Variants in ST14 observed in about 807,000 individuals in gnomAD.
ST14 encodes suppressor of tumorigenicity 14 protein.
A neutral mutation model predicts 96.5 loss-of-function variants in ST14; 40 were observed. That is an observed-to-expected ratio of 0.41 (90% CI 0.32 to 0.54). The LOEUF (loss-of-function observed/expected upper bound fraction) is 0.54. Ranked by LOEUF, ST14 falls within the 20% of genes least tolerant of loss-of-function variation. The pLI is 0.17. For synonymous variants in ST14, 506 were observed against 492.1 expected (o/e 1.03, Z -0.37); for missense variants, 1,066 against 1,188.9 (o/e 0.90, Z 1.52).
chr11:130,207,310 G>A (rs1953499135), intron 16 of ST14, among the ~76,000 whole-genome samples: 1 of 152,218 alleles, frequency 6.6e-6, no homozygotes, highest in African/African-American at 2.4e-5. Flanking sequence ...CAGCACTTTG[G>A]GAGGCCAAGG....
chr11:130,192,349 A>G (rs1317864890), intron 7 of ST14, among the ~76,000 whole-genome samples: 1 of 152,234 alleles, frequency 6.6e-6, no homozygotes, highest in Non-Finnish European at 1.5e-5. Flanking sequence ...CAAAAGGAAG[A>G]CTAAAGTCAC....
rs757662442 is a variant in ST14 at position 130,188,193 on chromosome 11, G to A, written c.161G>A (p.Arg54His). The change falls in exon 2 of 19, where the codon CGC becomes CAC. Residue 54 changes from arginine to histidine, a missense_variant. By Grantham distance (29) the Arg-to-His change is conservative. Transcript: ENST00000278742. This position sits in a 1 kb window ranked among gnomAD's most constrained non-coding sequence, Gnocchi z 5.4. ...AAGGTGGAAAAGCATGGCCCGGGGC[G>A]CTGGGTGGTGCTGGCAGCCGTGCTG... ...VKKVEKHGPG[R>H]WVVLAAVLIG... 16 of 1,614,074 alleles carry A rather than the reference G, an allele frequency of 9.9e-6. No homozygotes were observed. Among genetic ancestry groups the A allele is most frequent in the South Asian group, 9.9e-5 (9 of 91,082 alleles).
At chr11:130,162,999 G>T (rs773679044) in intron 1 of ST14, among the ~76,000 whole-genome samples, 3 of 152,190 alleles carry the variant, frequency 2.0e-5, no homozygotes, top group Non-Finnish European at 4.4e-5. Context: ...ATATGTTCCA[G>T]GTTTGTTGAA....
At chr11:130,160,252 C>T (rs1413974557) in intron 1 of ST14, among the ~76,000 whole-genome samples, 192 bp downstream of exon 1, 2 of 151,926 alleles carry the variant, frequency 1.3e-5, no homozygotes, top group Non-Finnish European at 2.9e-5. Context: ...GGTACCGGAC[C>T]GGCTGCGCCC....
In ST14 at chr11:130,188,276, G is replaced by T; in HGVS notation, c.241+3G>T. On this transcript the variant is annotated splice_donor_region_variant and intron_variant, in intron 2 of 18. Transcript: ENST00000278742. This position sits in a 1 kb window ranked among gnomAD's most constrained non-coding sequence, Gnocchi z 5.4. ...CTTCCTGGTGTGGCATTTGCAGTGT[G>T]AGTAAAGCTGGGGCTGGCTCCGGGG... 1.2e-6 allele frequency: 2 copies of T among 1,612,134 alleles called. No homozygotes were observed. Among genetic ancestry groups the T allele is most frequent in the Non-Finnish European group, 1.7e-6 (2 of 1,178,574 alleles).
At chr11:130,190,266 T>A (rs1565623974) in intron 6 of ST14, 118 bp downstream of exon 6, 1 of 1,502,712 alleles carries the variant, frequency 6.7e-7, no homozygotes, top group African/African-American at 1.4e-5. Flanking sequence ...ATTATGACGA[T>A]CTTTCCAGGC....
At chr11:130,162,759 G>T (rs1813321117) in intron 1 of ST14, among the ~76,000 whole-genome samples, 1 of 152,188 alleles carries the variant, frequency 6.6e-6, no homozygotes, top group Non-Finnish European at 1.5e-5. Flanking sequence ...ACTGAATTCT[G>T]ACTCATGAGT....
rs759157040 is a variant in ST14, at chr11:130,208,473, C to T, written c.2058C>T (p.Ala686=). The T allele has an allele frequency of 4.3e-6, 7 of 1,614,114 alleles. No homozygotes were observed. The East Asian group carries it at 1.6e-4, about 36-fold the overall frequency. ...LGLHDQSQRS[A]PGVQERRLKR... The stretch of plus-strand genomic sequence containing the variant: ...TGCACGACCAGAGCCAGCGCAGCGC[C>T]CCTGGGGTGCAGGAGCGCAGGCTCA... The change falls in exon 17 of 19, where the codon GCC becomes GCT. Residue 686 remains alanine, a synonymous_variant. Coordinates refer to ENST00000278742, the MANE Select transcript of ST14 (RefSeq NM_021978.4).
At position 130,188,719 on chromosome 11, in the gene ST14, A is replaced by G; in HGVS notation, c.369+62A>G. 1 of 1,613,468 alleles carries G rather than the reference A, an allele frequency of 6.2e-7. No homozygotes were observed. The highest frequency in any genetic ancestry group is 8.5e-7 in the Non-Finnish European group (1 of 1,179,766). Reference sequence around the variant, plus strand: ...TGCGCTGGTGTCCCACCTGCTGGGCAGGAGGGACATGCCTCGCCTGTGCTC... The same window carrying G: ...TGCGCTGGTGTCCCACCTGCTGGGCGGGAGGGACATGCCTCGCCTGTGCTC... On this transcript the variant is annotated intron_variant, in intron 3 of 18. Coordinates refer to ENST00000278742, the MANE Select transcript of ST14 (RefSeq NM_021978.4). The surrounding 1 kb of genome is among the most constrained non-coding windows in gnomAD (Gnocchi z 5.4).
chr11:130,162,255 C>A (rs1042658540), intron 1 of ST14, among the ~76,000 whole-genome samples: 5 of 152,178 alleles, frequency 3.3e-5, no homozygotes, highest in Admixed American at 3.3e-4. Flanking sequence ...TCTGCGTGGC[C>A]TTCAGAGTCC....
chr11:130,208,754 C>G lies in ST14; in HGVS notation c.2269+70C>G, dbSNP rs1231672741. 7 of 1,527,356 alleles carry G rather than the reference C, an allele frequency of 4.6e-6. No individual in the cohort carries two copies. In the African/African-American group the frequency reaches 8.2e-5, roughly 18 times the overall value. 94.6% of individuals were successfully genotyped at this position (1,527,356 alleles called of 1,614,324 possible). Reference sequence around the variant, plus strand: ...TTTCTCCAAGGCCGTGTTTCCTCTGCGTGTCCGGTCTCGGGGCGGGGGGCT... The same window carrying G: ...TTTCTCCAAGGCCGTGTTTCCTCTGGGTGTCCGGTCTCGGGGCGGGGGGCT... On this transcript the variant is annotated intron_variant, in intron 17 of 18. Coordinates refer to ENST00000278742, the MANE Select transcript of ST14 (RefSeq NM_021978.4).
chr11:130,181,280 C>G lies in ST14; in HGVS notation c.82-6834C>G, dbSNP rs1447508702. Among the ~76,000 whole-genome samples, 1 of 152,140 alleles carries G rather than the reference C, an allele frequency of 6.6e-6. No homozygotes were observed. The highest frequency in any genetic ancestry group is 2.4e-5 in the African/African-American group (1 of 41,408). Reference sequence around the variant, plus strand: ...CTTTAGGGTCTGTACCCTGCTTGTCCTGAGCCCTTTATCCCCAACCTCCCG... The same window carrying G: ...CTTTAGGGTCTGTACCCTGCTTGTCGTGAGCCCTTTATCCCCAACCTCCCG... On this transcript the variant is annotated intron_variant, in intron 1 of 18. Transcript: ENST00000278742. This position sits in a 1 kb window ranked among gnomAD's most constrained non-coding sequence, Gnocchi z 4.1.
intron 1 of ST14, among the ~76,000 whole-genome samples, chr11:130,172,287 TA>T (rs1317827932): frequency 2.6e-5 from 4 of 151,790 alleles, no homozygotes; most frequent in Non-Finnish European, 5.9e-5. Context: ...AAAATTTTTG[TA>T]GAGATGGGGG....
chr11:130,189,365 A>C, intron 4 of ST14: 1 of 444,258 alleles, frequency 2.3e-6, no homozygotes, highest in Non-Finnish European at 4.1e-6. Flanking sequence ...GTTCGTTTGA[A>C]CCCTGGGGAA....
At chr11:130,164,317 G>C (rs1488264320) in intron 1 of ST14, among the ~76,000 whole-genome samples, 2 of 152,144 alleles carry the variant, frequency 1.3e-5, no homozygotes, top group Non-Finnish European at 2.9e-5. Context: ...TGAACTAACT[G>C]TGTACCTAGT....
At chr11:130,203,269 C>T (rs1050319622) in intron 16 of ST14, among the ~76,000 whole-genome samples, 1 of 152,144 alleles carries the variant, frequency 6.6e-6, no homozygotes, top group Non-Finnish European at 1.5e-5. Flanking sequence ...TCCCCTCTCC[C>T]CCGTCCCATG....
Position 130,206,483 on chromosome 11 carries a change from C to T in ST14, c.1995-1927C>T, listed in dbSNP as rs1244966007. Among the ~76,000 whole-genome samples the T allele has an allele frequency of 4.6e-5, 7 of 152,100 alleles. No individual in the cohort carries two copies. In the East Asian group the frequency reaches 9.6e-4, roughly 21 times the overall value. On this transcript the variant is annotated intron_variant, in intron 16 of 18. Coordinates refer to ENST00000278742, the MANE Select transcript of ST14 (RefSeq NM_021978.4). ...CATTGTTGATTATTATTGTGGCAGGCGCGAATGTGGTTCCTTATTGTACCG... is the reference window on the plus strand; with the variant it reads ...CATTGTTGATTATTATTGTGGCAGGTGCGAATGTGGTTCCTTATTGTACCG...
chr11:130,198,537 A>C lies in ST14; in HGVS notation c.1600A>C (p.Asn534His). 1 of 1,614,006 alleles carries C rather than the reference A, an allele frequency of 6.2e-7. No individual in the cohort carries two copies. Among genetic ancestry groups the C allele is most frequent in the Non-Finnish European group, 8.5e-7 (1 of 1,180,006 alleles). ...SCPAQTFRCSNGKCLSKSQQC... is the reference protein window; with the variant it reads ...SCPAQTFRCSHGKCLSKSQQC... ...TCCGGCCCAGACCTTCAGGTGTTCC[A>C]ATGGGAAGTGCCTCTCGAAAAGCCA... is the stretch of plus-strand genomic sequence containing the variant. Residue 534 changes from asparagine (N) to histidine (H), a missense_variant, in exon 14 of 19, where the codon AAT (asparagine) becomes CAT (histidine). Physicochemically the swap from Asn to His is moderately conservative, Grantham distance 68. Coordinates refer to ENST00000278742, the MANE Select transcript of ST14 (RefSeq NM_021978.4).
chr11:130,198,457 G>T, intron 13 of ST14, 39 bp downstream of exon 13: 2 of 1,613,132 alleles, frequency 1.2e-6, no homozygotes, highest in Non-Finnish European at 1.7e-6. Context: ...GGGCAGGTGG[G>T]CGGGGCGACT....
Sources: allele counts gnomAD v4.1 joint callset (sites outside exome capture counted in the v4.1 genomes callset), GRCh38; gene constraint gnomAD v4.1.1; non-coding constraint Gnocchi (gnomAD v3.1); transcripts MANE v1.5; gene names NCBI Gene and HGNC (gene_info 2026-07-23, HGNC 2026-07-21).